ANO2: variants seen among roughly 807,000 people sequenced by gnomAD.
The protein encoded by ANO2 is anoctamin 2.
A neutral mutation model predicts 124.2 loss-of-function variants in ANO2; 101 were observed. The ratio of observed to expected loss-of-function variants is 0.81; its 90% confidence interval spans 0.69 to 0.96. ANO2 has a LOEUF of 0.96. Among genes scored for constraint, ANO2 ranks in the 40% least tolerant of loss-of-function variants. The pLI is 0.00. For missense variants in ANO2, 1,293 were observed against 1,274.5 expected (o/e 1.01, Z -0.22); for synonymous variants, 486 against 482.5 (o/e 1.01, Z -0.09).
chr12:5,841,829 A>C (rs1954524099), intron 4 of ANO2, among the ~76,000 whole-genome samples: 1 of 152,036 alleles, frequency 6.6e-6, no homozygotes, highest in African/African-American at 2.4e-5. Flanking sequence ...GTCATAACCC[A>C]GTCTTTTTCT....
chr12:5,627,555 A>G (rs1007178456), intron 16 of ANO2, among the ~76,000 whole-genome samples: 6 of 152,216 alleles, frequency 3.9e-5, no homozygotes, highest in African/African-American at 1.4e-4. Flanking sequence ...CACTGCATCC[A>G]ATAAAGCCAA....
At chr12:5,926,834 C>T (rs1238641851) in intron 1 of ANO2, among the ~76,000 whole-genome samples, 1 of 152,194 alleles carries the variant, frequency 6.6e-6, no homozygotes, top group African/African-American at 2.4e-5. Context: ...GAAGGCCTCA[C>T]CACCAGCACC....
At chr12:5,792,833 G>C (rs1591623436) in intron 10 of ANO2, among the ~76,000 whole-genome samples, 1 of 152,162 alleles carries the variant, frequency 6.6e-6, no homozygotes, top group Non-Finnish European at 1.5e-5. Context: ...CAAGCTCCTT[G>C]AGAGTGGGGT....
At chr12:5,565,996 C>T (rs536883673) in intron 23 of ANO2, among the ~76,000 whole-genome samples, 2 of 152,340 alleles carry the variant, frequency 1.3e-5, no homozygotes, top group Admixed American at 1.3e-4. Flanking sequence ...AGTGGGTCCA[C>T]CTGGGCCTCC....
intron 24 of ANO2, among the ~76,000 whole-genome samples, chr12:5,564,078 G>A (rs1048739204): frequency 1.3e-5 from 2 of 152,162 alleles, no homozygotes; most frequent in Non-Finnish European, 2.9e-5. Flanking sequence ...CACTAGAGAC[G>A]GACTTGAGGT....
chr12:5,898,619 CA>C (rs1334566875), intron 3 of ANO2, among the ~76,000 whole-genome samples: 1 of 152,136 alleles, frequency 6.6e-6, no homozygotes, highest in African/African-American at 2.4e-5. Flanking sequence ...TGGGCAAAAA[CA>C]AAAGCCAGAC....
intron 10 of ANO2, among the ~76,000 whole-genome samples, chr12:5,777,201 T>TG (rs1330560661): frequency 2.6e-5 from 4 of 152,186 alleles, no homozygotes; most frequent in African/African-American, 9.7e-5. Flanking sequence ...TAGCTGTAGG[T>TG]GAGGCACCAG....
At chr12:5,669,518 T>C (rs895672640) in intron 14 of ANO2, among the ~76,000 whole-genome samples, 1 of 152,228 alleles carries the variant, frequency 6.6e-6, no homozygotes, top group African/African-American at 2.4e-5. Context: ...CCTATTTGAA[T>C]ATCTTTGTTT....
At chr12:5,861,777 G>A (rs1328777502) in intron 3 of ANO2, among the ~76,000 whole-genome samples, 2 of 152,094 alleles carry the variant, frequency 1.3e-5, no homozygotes, top group East Asian at 1.9e-4. Flanking sequence ...CATCACCAGC[G>A]CCCCCACCAC....
intron 5 of ANO2, among the ~76,000 whole-genome samples, chr12:5,831,370 G>A (rs1954148036): frequency 6.6e-6 from 1 of 152,150 alleles, no homozygotes; most frequent in Non-Finnish European, 1.5e-5. Flanking sequence ...GAAGTAAAAC[G>A]AACGGAGGTG....
At chr12:5,789,922 A>G (rs1342120236) in intron 10 of ANO2, among the ~76,000 whole-genome samples, 1 of 152,218 alleles carries the variant, frequency 6.6e-6, no homozygotes, top group Non-Finnish European at 1.5e-5. Flanking sequence ...GGTGGAGAAC[A>G]TCACTCCAGG....
At chr12:5,719,641 C>T (rs1262586788) in intron 14 of ANO2, among the ~76,000 whole-genome samples, 2 of 152,150 alleles carry the variant, frequency 1.3e-5, no homozygotes, top group Non-Finnish European at 2.9e-5. Context: ...ATTGAATCTG[C>T]CAGTGTCTTG....
intron 20 of ANO2, among the ~76,000 whole-genome samples, chr12:5,582,630 C>CG (rs1661850383): frequency 6.6e-6 from 1 of 152,182 alleles, no homozygotes; most frequent in Non-Finnish European, 1.5e-5. Flanking sequence ...TTTCAGTGAA[C>CG]ATATCCAGAA....
intron 14 of ANO2, among the ~76,000 whole-genome samples, chr12:5,730,618 A>G (rs1044398712): frequency 6.6e-6 from 1 of 152,216 alleles, no homozygotes; most frequent in Non-Finnish European, 1.5e-5. Flanking sequence ...TCCACATGCA[A>G]TGATGCCCCT....
chr12:5,644,138 A>C (rs1946519132), intron 15 of ANO2, among the ~76,000 whole-genome samples: 1 of 152,068 alleles, frequency 6.6e-6, no homozygotes, highest in African/African-American at 2.4e-5. Context: ...ATATTTAAAA[A>C]CTCGATTGTT....
At chr12:5,840,328 C>G (rs972525369) in intron 4 of ANO2, among the ~76,000 whole-genome samples, 1 of 152,126 alleles carries the variant, frequency 6.6e-6, no homozygotes, top group Non-Finnish European at 1.5e-5. Context: ...ACTGTCTTTT[C>G]TTACTTCTTT....
At chr12:5,944,081 G>A (rs774432992) in intron 1 of ANO2, among the ~76,000 whole-genome samples, 4 of 152,380 alleles carry the variant, frequency 2.6e-5, no homozygotes, top group Non-Finnish European at 5.9e-5. Flanking sequence ...CGAATCAGGT[G>A]CTTGGCTCCG....
chr12:5,639,031 G>A (rs893358709), intron 15 of ANO2, among the ~76,000 whole-genome samples: 3 of 152,142 alleles, frequency 2.0e-5, no homozygotes, highest in Non-Finnish European at 2.9e-5. Context: ...CTCCGTTCAC[G>A]AGCTTCTGGT....
At chr12:5,772,549 T>G (rs1336333956) in intron 10 of ANO2, among the ~76,000 whole-genome samples, 1 of 152,228 alleles carries the variant, frequency 6.6e-6, no homozygotes, top group Non-Finnish European at 1.5e-5. Context: ...TGATGATAAA[T>G]TTTAATCTAA....
Sources: gnomAD v4.1 joint callset for allele counts (sites outside exome capture counted in the v4.1 genomes callset) on GRCh38, gnomAD v4.1.1 for gene constraint, MANE v1.5 for transcripts, NCBI Gene and HGNC (gene_info 2026-07-23, HGNC 2026-07-21) for gene names.